The following NADK2 variants were observed in gnomAD, a reference collection of about 807,000 sequenced individuals.
The protein encoded by NADK2 is NAD kinase 2, mitochondrial.
NADK2 carries 35 observed loss-of-function variants against 62.1 expected under a neutral mutation model. The observed-to-expected ratio is 0.56, with a 90% CI of 0.43 to 0.75. NADK2 has a LOEUF of 0.75. NADK2 is among the 30% of genes least tolerant of loss of function. NADK2 has a pLI of 0.00. For synonymous variants in NADK2, 205 were observed against 207.9 expected, an observed-to-expected ratio of 0.99 and a Z score of 0.12; for missense variants, 439 against 561.3, an observed-to-expected ratio of 0.78 and a Z score of 2.20.
intron 9 of NADK2, 82 bp from the exon 10 acceptor site, chr5:36,200,362 A>ATGT: frequency 1.2e-6 from 1 of 817,314 alleles, no homozygotes; most frequent in Non-Finnish European, 1.7e-6. Flanking sequence ...AAGGGGGAAA[A>ATGT]ATGCTTAAAG....
intron 6 of NADK2, among the ~76,000 whole-genome samples, chr5:36,217,223 G>A (rs1031831473): frequency 2.6e-5 from 4 of 151,942 alleles, no homozygotes; most frequent in Non-Finnish European, 5.9e-5. Context: ...ATAAAAAGTG[G>A]GAAAATATGG....
rs772840407 is a variant in NADK2, at chr5:36,197,556, C to G, written c.1175G>C (p.Arg392Pro). The change falls in exon 11 of 12, where the codon CGT becomes CCT. Residue 392 changes from arginine to proline, a missense_variant. Transcript: ENST00000381937. ...GGATGCTTACTTTGAGGAGAAACAA[C>G]GCTGACGACTGCTTGAGAAAACTCT... ...ANRVFSSSRQ[R>P]CFSSKVCVRS... 1 of 1,612,122 alleles carries G rather than the reference C, an allele frequency of 6.2e-7. No individual in the cohort carries two copies. The highest frequency in any genetic ancestry group is 8.5e-7 in the Non-Finnish European group (1 of 1,178,828).
intron 6 of NADK2, among the ~76,000 whole-genome samples, chr5:36,212,842 G>A (rs1413984372): frequency 6.6e-6 from 1 of 151,986 alleles, no homozygotes. Context: ...TGCCTCCCTG[G>A]TATTCACAAT....
intron 8 of NADK2, among the ~76,000 whole-genome samples, chr5:36,202,151 A>G (rs1746473873): frequency 6.6e-6 from 1 of 152,200 alleles, no homozygotes; most frequent in African/African-American, 2.4e-5. Flanking sequence ...GTTTGGAGAA[A>G]TGCAAAAACA....
intron 4 of NADK2, among the ~76,000 whole-genome samples, chr5:36,224,315 G>A (rs1398394301): frequency 6.6e-6 from 1 of 152,144 alleles, no homozygotes; most frequent in Non-Finnish European, 1.5e-5. Flanking sequence ...TTTGCATTTT[G>A]GGAGGCCAAG....
chr5:36,233,862 C>T (rs1175967335), intron 1 of NADK2, among the ~76,000 whole-genome samples: 1 of 152,088 alleles, frequency 6.6e-6, no homozygotes, highest in East Asian at 1.9e-4. Flanking sequence ...AAAAATTCTT[C>T]TGTATTTTTC....
intron 11 of NADK2, 35 bp downstream of exon 11, chr5:36,197,506 T>A (rs1561053251): frequency 6.2e-7 from 1 of 1,611,214 alleles, no homozygotes; most frequent in Non-Finnish European, 8.5e-7. Flanking sequence ...ATGAAAGGGA[T>A]GAAAACAGTC....
intron 6 of NADK2, among the ~76,000 whole-genome samples, chr5:36,213,617 G>GTATATATATATATATATA (rs1561063582): frequency 1.8e-4 from 2 of 11,388 alleles, no homozygotes; most frequent in South Asian, 0.017. Flanking sequence ...ATATATGCAT[G>GTATATATATATATATATA]CATATATATA....
At chr5:36,220,920 C>T (rs1374890736) in intron 4 of NADK2, 2 of 152,238 alleles carry the variant, frequency 1.3e-5, no homozygotes, top group Non-Finnish European at 2.9e-5. Flanking sequence ...TGAGTATCCT[C>T]ACATCATGGT....
At chr5:36,215,201 A>C (rs1432182787) in intron 6 of NADK2, among the ~76,000 whole-genome samples, 1 of 152,166 alleles carries the variant, frequency 6.6e-6, no homozygotes, top group Admixed American at 6.5e-5. Context: ...TATTCTGACA[A>C]ACCTTGGTGT....
chr5:36,241,920 A>G lies in NADK2; in HGVS notation c.-122T>C. 1 of 841,602 alleles carries G rather than the reference A, an allele frequency of 1.2e-6. No homozygotes were observed. The highest frequency in any genetic ancestry group is 1.5e-6 in the Non-Finnish European group (1 of 676,834). The allele number at this position is 841,602 out of a possible 1,614,324, so 52.1% of individuals were successfully genotyped here. On this transcript the variant is annotated 5_prime_UTR_variant, in exon 1 of 12. Transcript: ENST00000381937. The surrounding 1 kb of genome is among the most constrained non-coding windows in gnomAD (Gnocchi z 4.9). The stretch of plus-strand genomic sequence containing the variant: ...ACTTCGCGCCGGACGGGCAGAGGTT[A>G]AGTGCCAGGACGTGCGTGGCCCACG...
At chr5:36,240,633 T>C (rs1447433518) in intron 1 of NADK2, among the ~76,000 whole-genome samples, 1 of 152,176 alleles carries the variant, frequency 6.6e-6, no homozygotes, top group Non-Finnish European at 1.5e-5. Flanking sequence ...AAACTGTTTT[T>C]AAAGTTGGTG....
chr5:36,200,057 A>G (rs966427096), intron 10 of NADK2, among the ~76,000 whole-genome samples, 170 bp downstream of exon 10: 1 of 152,056 alleles, frequency 6.6e-6, no homozygotes, highest in Non-Finnish European at 1.5e-5. Flanking sequence ...AATCACAACA[A>G]AAGTCCAACT....
At chr5:36,217,622 A>T in intron 6 of NADK2, 126 bp downstream of exon 6, 2 of 955,358 alleles carry the variant, frequency 2.1e-6, no homozygotes, top group Non-Finnish European at 3.2e-6. Context: ...GAAGTAATTC[A>T]CTGTACTTTG....
intron 8 of NADK2, among the ~76,000 whole-genome samples, chr5:36,201,671 C>CA (rs1280535928): frequency 2.6e-5 from 4 of 151,314 alleles, no homozygotes; most frequent in African/African-American, 4.9e-5. Context: ...ATTTTAAAAA[C>CA]AAAAAATATA....
intron 1 of NADK2, among the ~76,000 whole-genome samples, chr5:36,240,745 A>C (rs1748077231): frequency 6.6e-6 from 1 of 152,164 alleles, no homozygotes. Context: ...TATTGTGGAG[A>C]TACTGCTGCA....
chr5:36,227,582 G>C lies in NADK2; in HGVS notation c.301-17C>G. ...CAATGCAAGCTATATCAAAACAAAAGAAACGTTGTTTTACTAATATATATT... is the reference window on the plus strand; with the variant it reads ...CAATGCAAGCTATATCAAAACAAAACAAACGTTGTTTTACTAATATATATT... On this transcript the variant is annotated splice_polypyrimidine_tract_variant and intron_variant, in intron 1 of 11. Transcript: ENST00000381937. 1 of 1,430,732 alleles carries C rather than the reference G, an allele frequency of 7.0e-7. No individual in the cohort carries two copies. Among genetic ancestry groups the C allele is most frequent in the Non-Finnish European group, 9.4e-7 (1 of 1,068,480 alleles). The allele number at this position is 1,430,732 out of a possible 1,614,324, so 88.6% of individuals were successfully genotyped here.
chr5:36,197,708 C>T, intron 10 of NADK2, 44 bp from the exon 11 acceptor site: 1 of 1,458,482 alleles, frequency 6.9e-7, no homozygotes, highest in Non-Finnish European at 9.0e-7. Flanking sequence ...AAGATGGTCA[C>T]TTCTGAGAAG....
intron 4 of NADK2, among the ~76,000 whole-genome samples, chr5:36,220,698 G>A (rs1034721570): frequency 2.0e-5 from 3 of 152,186 alleles, no homozygotes; most frequent in Non-Finnish European, 4.4e-5. Context: ...TACCTGCTGA[G>A]GTCAACTGCA....
Sources: gnomAD v4.1 joint callset for allele counts (sites outside exome capture counted in the v4.1 genomes callset) on GRCh38, gnomAD v4.1.1 for gene constraint, Gnocchi (gnomAD v3.1) non-coding constraint, MANE v1.5 for transcripts, NCBI Gene and HGNC (gene_info 2026-07-23, HGNC 2026-07-21) for gene names.